The following KCNIP4 variants were observed in gnomAD, a reference collection of about 807,000 sequenced individuals.
KCNIP4 encodes potassium voltage-gated channel interacting protein 4.
In KCNIP4, 12 loss-of-function variants were observed where a neutral mutation model predicts 34.0. The observed-to-expected ratio is 0.35, with a 90% confidence interval of 0.23 to 0.57. KCNIP4 has a LOEUF of 0.57. Ranked by LOEUF, KCNIP4 falls within the 20% of genes least tolerant of loss-of-function variation. KCNIP4 has a pLI of 0.83. For missense variants in KCNIP4, 238 were observed against 311.7 expected, an observed-to-expected ratio of 0.76 and a Z score of 1.78; for synonymous variants, 124 against 102.2, an observed-to-expected ratio of 1.21 and a Z score of -1.29.
chr4:21,020,914 CT>C (rs2149747529), intron 1 of KCNIP4, among the ~76,000 whole-genome samples: 1 of 152,260 alleles, frequency 6.6e-6, no homozygotes, highest in African/African-American at 2.4e-5. Context: ...GAATGAGAAT[CT>C]CTACAGAAAC....
chr4:20,896,676 G>C (rs1286680658), intron 1 of KCNIP4, among the ~76,000 whole-genome samples: 2 of 152,134 alleles, frequency 1.3e-5, no homozygotes, highest in African/African-American at 4.8e-5. Context: ...CCTTAATGAA[G>C]ACTTCTGGCC....
chr4:21,906,526 T>C (rs1484361451), intron 1 of KCNIP4, among the ~76,000 whole-genome samples: 2 of 152,168 alleles, frequency 1.3e-5, no homozygotes, highest in Non-Finnish European at 2.9e-5. Flanking sequence ...TCAGAGCCCA[T>C]GCTGGCACCT....
chr4:20,856,455 G>T (rs909169477), intron 2 of KCNIP4, among the ~76,000 whole-genome samples: 2 of 152,086 alleles, frequency 1.3e-5, no homozygotes, highest in Non-Finnish European at 2.9e-5. Flanking sequence ...CCCACACTCT[G>T]GTTCTTGTAT....
chr4:20,881,320 A>C (rs1724655583), intron 2 of KCNIP4, among the ~76,000 whole-genome samples: 1 of 152,130 alleles, frequency 6.6e-6, no homozygotes, highest in Non-Finnish European at 1.5e-5. Flanking sequence ...ATTTTAGTGC[A>C]TTCATATTTT....
chr4:20,785,199 A>T (rs888664738), intron 3 of KCNIP4, among the ~76,000 whole-genome samples: 5 of 152,174 alleles, frequency 3.3e-5, no homozygotes, highest in African/African-American at 1.2e-4. Flanking sequence ...AATGTGAAAG[A>T]CAAGTACCAG....
rs56676152 is a variant in KCNIP4, at chr4:21,113,455, TA to T, written c.62-230747del. 3.8e-3 allele frequency among the ~76,000 whole-genome samples: 238 copies of T among 62,392 alleles called. 1 individual carries two copies. The highest frequency in any genetic ancestry group is 0.014 in the South Asian group (17 of 1,258). 40.9% of individuals were successfully genotyped at this position (62,392 alleles called of 152,430 possible). On this transcript the variant is annotated intron_variant, in intron 1 of 8. Transcript: ENST00000382152. ...GAGGTTGTGCATCTATCTATAAGTT[TA>T]AAAAAAAAAAAAAAAAAAAAAAAAG...
chr4:21,170,430 A>T (rs369564432), intron 1 of KCNIP4, among the ~76,000 whole-genome samples: 2 of 152,194 alleles, frequency 1.3e-5, no homozygotes, highest in Non-Finnish European at 2.9e-5. Flanking sequence ...GGTAAGCACT[A>T]AAAAGCAATA....
intron 3 of KCNIP4, among the ~76,000 whole-genome samples, chr4:20,842,770 G>A (rs73802366): frequency 0.019 from 2,874 of 152,208 alleles, 91 homozygotes; most frequent in African/African-American, 0.065. Context: ...AGTGACAGCA[G>A]CGTGTGAGAG....
At chr4:20,923,833 C>T (rs73242566) in intron 1 of KCNIP4, among the ~76,000 whole-genome samples, 21,383 of 151,960 alleles carry the variant, frequency 0.14, 1,677 homozygotes, top group African/African-American at 0.23. Context: ...AGTGTCTGAC[C>T]CACTCCACTT....
chr4:20,961,479 C>G (rs984748974), intron 1 of KCNIP4, among the ~76,000 whole-genome samples: 2 of 151,998 alleles, frequency 1.3e-5, no homozygotes, highest in Non-Finnish European at 2.9e-5. Flanking sequence ...GCAAAGGCAA[C>G]AATTCAAACT....
At chr4:21,792,111 T>A (rs1186986553) in intron 1 of KCNIP4, among the ~76,000 whole-genome samples, 1 of 151,008 alleles carries the variant, frequency 6.6e-6, no homozygotes, top group Non-Finnish European at 1.5e-5. Context: ...GTGGGAAGGG[T>A]TGGCTTGCTT....
At chr4:21,433,307 C>CA (rs1553881464) in intron 1 of KCNIP4, among the ~76,000 whole-genome samples, 4 of 152,044 alleles carry the variant, frequency 2.6e-5, no homozygotes, top group Non-Finnish European at 5.9e-5. Flanking sequence ...AGCCCAAGGA[C>CA]AAAAATATAT....
At chr4:20,766,064 G>T (rs1755378447) in intron 3 of KCNIP4, among the ~76,000 whole-genome samples, 1 of 152,090 alleles carries the variant, frequency 6.6e-6, no homozygotes. Flanking sequence ...TGATACTGAT[G>T]ATATTAAGCT....
chr4:21,108,974 A>G (rs1748856917), intron 1 of KCNIP4, among the ~76,000 whole-genome samples: 1 of 152,162 alleles, frequency 6.6e-6, no homozygotes, highest in Non-Finnish European at 1.5e-5. Context: ...GTCTCAGAGG[A>G]GTACCCAGCC....
At chr4:20,986,164 GCCAC>G (rs962021360) in intron 1 of KCNIP4, among the ~76,000 whole-genome samples, 10 of 152,092 alleles carry the variant, frequency 6.6e-5, no homozygotes, top group Non-Finnish European at 1.2e-4. Flanking sequence ...CCCTGGTCCT[GCCAC>G]CCCTGCTCCA....
chr4:20,994,781 A>G (rs758597474), intron 1 of KCNIP4, among the ~76,000 whole-genome samples: 7 of 152,204 alleles, frequency 4.6e-5, no homozygotes, highest in Non-Finnish European at 7.3e-5. Context: ...AGGATGGATA[A>G]AACCAAAAAT....
chr4:21,173,601 T>A (rs1754178402), intron 1 of KCNIP4, among the ~76,000 whole-genome samples: 1 of 152,166 alleles, frequency 6.6e-6, no homozygotes, highest in Admixed American at 6.5e-5. Context: ...ACATTCTTCA[T>A]TCCACGGAGG....
intron 1 of KCNIP4, among the ~76,000 whole-genome samples, chr4:21,066,876 C>A (rs1744441715): frequency 6.6e-6 from 1 of 152,092 alleles, no homozygotes; most frequent in Non-Finnish European, 1.5e-5. Flanking sequence ...CTCAAAGGGG[C>A]CAGGGGACTT....
intron 1 of KCNIP4, among the ~76,000 whole-genome samples, chr4:21,838,961 C>T (rs1723516060): frequency 6.6e-6 from 1 of 152,040 alleles, no homozygotes; most frequent in African/African-American, 2.4e-5. Context: ...GTCAAATAGT[C>T]CAGTTACTTA....
Sources: allele counts gnomAD v4.1 joint callset (sites outside exome capture counted in the v4.1 genomes callset), GRCh38; gene constraint gnomAD v4.1.1; transcripts MANE v1.5; gene names NCBI Gene and HGNC (gene_info 2026-07-23, HGNC 2026-07-21).